The following KDM4C variants were observed in gnomAD, a reference collection of about 807,000 sequenced individuals.
The protein encoded by KDM4C is lysine demethylase 4C, also known as lysine-specific demethylase 4C.
KDM4C carries 81 observed loss-of-function variants against 129.3 expected under a neutral mutation model. The observed-to-expected ratio is 0.63, with a 90% confidence interval of 0.52 to 0.75. The LOEUF is 0.75. Among genes scored for constraint, KDM4C ranks in the 30% least tolerant of loss-of-function variants. KDM4C has a pLI of 0.00. For synonymous variants in KDM4C, 573 were observed against 456.1 expected, an observed-to-expected ratio of 1.26 and a Z score of -3.26; for missense variants, 1,457 against 1,304.0, an observed-to-expected ratio of 1.12 and a Z score of -1.81.
At chr9:6,952,056 C>T (rs1371998660) in intron 8 of KDM4C, among the ~76,000 whole-genome samples, 2 of 151,828 alleles carry the variant, frequency 1.3e-5, no homozygotes, top group East Asian at 1.9e-4. Context: ...CTTAAATGGG[C>T]TTAAAAAATA....
intron 17 of KDM4C, among the ~76,000 whole-genome samples, chr9:7,065,056 A>C (rs182033026): frequency 5.4e-4 from 82 of 152,342 alleles, no homozygotes; most frequent in African/African-American, 1.9e-3. Context: ...CCTACAGTCA[A>C]TCAAAACATA....
chr9:7,149,375 G>C (rs1276685436), intron 19 of KDM4C, among the ~76,000 whole-genome samples: 1 of 152,232 alleles, frequency 6.6e-6, no homozygotes, highest in Non-Finnish European at 1.5e-5. Context: ...GAGCCTGCCG[G>C]GGCAGGGGCC....
chr9:6,838,028 T>A (rs1836205971), intron 4 of KDM4C, among the ~76,000 whole-genome samples: 1 of 152,206 alleles, frequency 6.6e-6, no homozygotes, highest in African/African-American at 2.4e-5. Flanking sequence ...GGTTAACTAC[T>A]TTTTTTGCTT....
chr9:7,164,675 G>T (rs1044039937), intron 19 of KDM4C, among the ~76,000 whole-genome samples: 1 of 152,124 alleles, frequency 6.6e-6, no homozygotes, highest in African/African-American at 2.4e-5. Flanking sequence ...TCAATCGCAC[G>T]CCATTTGTCC....
intron 5 of KDM4C, among the ~76,000 whole-genome samples, chr9:6,878,730 A>ATG (rs751609295): frequency 7.9e-5 from 12 of 152,056 alleles, no homozygotes; most frequent in East Asian, 5.8e-4. Flanking sequence ...TATTACATGT[A>ATG]TGTGTGTGTG....
At chr9:7,034,008 C>T (rs1827213705) in intron 15 of KDM4C, among the ~76,000 whole-genome samples, 1 of 141,926 alleles carries the variant, frequency 7.0e-6, no homozygotes, top group African/African-American at 2.6e-5. Context: ...AAATCATGTA[C>T]TTTTTTTTTT....
At chr9:6,760,080 C>G (rs1441755936) in intron 1 of KDM4C, among the ~76,000 whole-genome samples, 1 of 152,050 alleles carries the variant, frequency 6.6e-6, no homozygotes, top group East Asian at 1.9e-4. Context: ...AGCTCTGTTC[C>G]TATTAGCTGT....
chr9:6,993,941 T>C (rs1015919848), intron 12 of KDM4C, among the ~76,000 whole-genome samples: 1 of 151,088 alleles, frequency 6.6e-6, no homozygotes, highest in African/African-American at 2.4e-5. Flanking sequence ...GCGACGTGAG[T>C]CTTCCTTTCT....
At chr9:7,103,593 T>C (rs1307477322) in intron 17 of KDM4C, 92 bp from the exon 18 acceptor site, 18 of 955,600 alleles carry the variant, frequency 1.9e-5, no homozygotes, top group Admixed American at 8.0e-5. Context: ...TTTTTTTTTT[T>C]TTCTTCTCTA....
At chr9:6,972,360 A>G (rs958125265) in intron 8 of KDM4C, among the ~76,000 whole-genome samples, 1 of 152,144 alleles carries the variant, frequency 6.6e-6, no homozygotes, top group African/African-American at 2.4e-5. Flanking sequence ...ATGCATTTCC[A>G]TATGATTATA....
chr9:6,858,829 T>C (rs1840400923), intron 5 of KDM4C, among the ~76,000 whole-genome samples: 1 of 151,892 alleles, frequency 6.6e-6, no homozygotes, highest in South Asian at 2.1e-4. Flanking sequence ...TTTACCCAGC[T>C]TTATCATTTT....
chr9:6,896,079 C>T (rs1318543743), intron 8 of KDM4C, among the ~76,000 whole-genome samples: 3 of 151,946 alleles, frequency 2.0e-5, no homozygotes, highest in Non-Finnish European at 4.4e-5. Context: ...GTTTCTAATC[C>T]CTGGCAAATT....
At chr9:6,745,346 C>A (rs1341352324) in intron 1 of KDM4C, among the ~76,000 whole-genome samples, 1 of 152,016 alleles carries the variant, frequency 6.6e-6, no homozygotes, top group East Asian at 1.9e-4. Context: ...CACCTATAAT[C>A]CCAGCACTTT....
intron 8 of KDM4C, among the ~76,000 whole-genome samples, chr9:6,968,705 A>G (rs1017023599): frequency 1.3e-5 from 2 of 152,174 alleles, no homozygotes; most frequent in Non-Finnish European, 2.9e-5. Flanking sequence ...CAGTTACTTA[A>G]CATTATCTTT....
intron 1 of KDM4C, among the ~76,000 whole-genome samples, chr9:6,788,962 G>T (rs1024934566): frequency 3.3e-5 from 5 of 152,094 alleles, no homozygotes; most frequent in African/African-American, 1.2e-4. Flanking sequence ...AAGTCAGTGA[G>T]TATTGTTGGA....
At chr9:6,858,522 G>A (rs1840313776) in intron 5 of KDM4C, among the ~76,000 whole-genome samples, 1 of 152,152 alleles carries the variant, frequency 6.6e-6, no homozygotes, top group African/African-American at 2.4e-5. Context: ...TGTTAGGGCT[G>A]GGCATGGTTG....
intron 5 of KDM4C, among the ~76,000 whole-genome samples, chr9:6,866,889 CTG>C (rs1259236407): frequency 7.7e-6 from 1 of 130,012 alleles, no homozygotes; most frequent in Non-Finnish European, 1.6e-5. Context: ...TGACTTGGTG[CTG>C]TATATATATA....
chr9:6,906,061 A>G (rs1818253623), intron 8 of KDM4C, among the ~76,000 whole-genome samples: 1 of 152,186 alleles, frequency 6.6e-6, no homozygotes, highest in Non-Finnish European at 1.5e-5. Context: ...GGAAGATGCA[A>G]CACACTCTGT....
At chr9:7,075,749 A>G (rs1833835679) in intron 17 of KDM4C, among the ~76,000 whole-genome samples, 1 of 152,128 alleles carries the variant, frequency 6.6e-6, no homozygotes, top group African/African-American at 2.4e-5. Flanking sequence ...AGGAAGGACA[A>G]GCTGGTGAAG....
Sources: allele counts gnomAD v4.1 joint callset (sites outside exome capture counted in the v4.1 genomes callset), GRCh38; gene constraint gnomAD v4.1.1; transcripts MANE v1.5; gene names NCBI Gene and HGNC (gene_info 2026-07-23, HGNC 2026-07-21).